The following GBA2 variants were observed in gnomAD, a reference collection of about 807,000 sequenced individuals.
The protein encoded by GBA2 is glucosylceramidase beta 2, also known as non-lysosomal glucosylceramidase.
Under a neutral mutation model 112.9 loss-of-function variants are expected in GBA2, and 79 were observed. The observed-to-expected ratio is 0.70, with a 90% CI of 0.58 to 0.84. The LOEUF (loss-of-function observed/expected upper bound fraction) is 0.84, where lower values mean the gene tolerates loss of function less well. Among genes scored for constraint, GBA2 ranks in the 40% least tolerant of loss-of-function variants. The pLI, the probability that GBA2 is intolerant of heterozygous loss-of-function variation, is 0.00. For synonymous variants in GBA2, 403 were observed against 434.3 expected, an observed-to-expected ratio of 0.93 and a Z score of 0.90; for missense variants, 1,043 against 1,190.0, an observed-to-expected ratio of 0.88 and a Z score of 1.82.
At chr9:35,738,725 A>G (rs564667362) in intron 12 of GBA2, 27 bp downstream of exon 12, 3 of 1,613,404 alleles carry the variant, frequency 1.9e-6, no homozygotes, top group Admixed American at 1.7e-5. Context: ...CCCCTGGCAC[A>G]CTGGCCACTG....
In GBA2 at chr9:35,741,325, CTTT is replaced by C. The variant is rs1042549418; in HGVS notation, c.787-264_787-262del. Reference sequence around the variant, plus strand: ...CTCCCTTTCACAGGCCATGCAGTTTCTTTTTTTTTTTTTTTGGGGGGTGCGGTG... The same window carrying C: ...CTCCCTTTCACAGGCCATGCAGTTTCTTTTTTTTTTTTGGGGGGTGCGGTG... On this transcript the variant is annotated intron_variant, in intron 4 of 16. Transcript: ENST00000378103. The surrounding 1 kb of genome is among the most constrained non-coding windows in gnomAD (Gnocchi z 4.6). 3.4e-3 allele frequency: 1,367 copies of C among 406,618 alleles called. No individual in the cohort carries two copies. The highest frequency in any genetic ancestry group is 4.7e-3 in the South Asian group (138 of 29,674). 25.2% of individuals were successfully genotyped at this position (406,618 alleles called of 1,614,324 possible).
rs539236531 is a variant in GBA2 at position 35,741,721 on chromosome 9, A to C, written c.737T>G (p.Val246Gly). The change falls in exon 4 of 17, where the codon GTC (valine) becomes GGC (glycine). Residue 246 changes from valine (V) to glycine (G), a missense_variant. Physicochemically the swap from Val to Gly is moderately radical, Grantham distance 109. Coordinates refer to ENST00000378103, the MANE Select transcript of GBA2 (RefSeq NM_020944.3). This position sits in a 1 kb window ranked among gnomAD's most constrained non-coding sequence, Gnocchi z 4.6. The part of the protein sequence containing the change: ...WTVYQLPGQN[V>G]TLTCRQITPI... ...TGTGATCTGACGGCAGGTGAGGGTG[A>C]CATTCTGGCCAGGAAGCTGATAGAC... 2 of 1,613,928 alleles carry C rather than the reference A, an allele frequency of 1.2e-6. No homozygotes were observed.
chr9:35,739,804 G>C lies in GBA2; in HGVS notation c.1410-4C>G, dbSNP rs777976914. On this transcript the variant is annotated splice_polypyrimidine_tract_variant and splice_region_variant and intron_variant, in intron 8 of 16. Transcript: ENST00000378103. ...TTTGTACCAGGCAGGCAGTGATCTGGGAAGCGAGGAGGAGGAAATGGTTTA... is the reference window on the plus strand; with the variant it reads ...TTTGTACCAGGCAGGCAGTGATCTGCGAAGCGAGGAGGAGGAAATGGTTTA... 3 of 1,613,460 alleles carry C rather than the reference G, an allele frequency of 1.9e-6. No individual in the cohort carries two copies. The highest frequency in any genetic ancestry group is 2.5e-6 in the Non-Finnish European group (3 of 1,179,560).
rs1349130992 is a variant in GBA2, at chr9:35,739,071, A to G, written c.1726T>C (p.Tyr576His). 9 of 1,613,058 alleles carry G rather than the reference A, an allele frequency of 5.6e-6. No homozygotes were observed. The highest frequency in any genetic ancestry group is 4.4e-5 in the South Asian group (4 of 90,962). ...GGTGCCATCACCCCACTCATCAGGTACCGTCGCCGTGTCAGGTCCTCCCTG... is the reference window on the plus strand; with the variant it reads ...GGTGCCATCACCCCACTCATCAGGTGCCGTCGCCGTGTCAGGTCCTCCCTG... ...TLREDLTRRR[Y>H]LMSGVMAPVK... Residue 576 changes from tyrosine to histidine, a missense_variant, in exon 11 of 17, where the codon TAC becomes CAC. Transcript: ENST00000378103.
intron 3 of GBA2, 47 bp downstream of exon 3, chr9:35,744,250 T>C (rs1197246829): frequency 2.9e-6 from 3 of 1,039,436 alleles, no homozygotes; most frequent in South Asian, 1.3e-5. Flanking sequence ...CCTTCCTTCT[T>C]GGCCTGGGGA....
At chr9:35,744,433 A>G (rs562896034) in intron 2 of GBA2, 21 bp from the exon 3 acceptor site, 1 of 1,399,776 alleles carries the variant, frequency 7.1e-7, no homozygotes, top group South Asian at 1.2e-5. Context: ...CAGGGTGGTT[A>G]GTGGGGTATT....
chr9:35,744,425 G>C lies in GBA2; in HGVS notation c.452-13C>G, dbSNP rs1212850363. ...CCCAAGGGACAACCTAGAGAAATCA[G>C]GGTGGTTAGTGGGGTATTGGGAGAG... On this transcript the variant is annotated splice_polypyrimidine_tract_variant and intron_variant, in intron 2 of 16. Transcript: ENST00000378103. 1 of 1,489,152 alleles carries C rather than the reference G, an allele frequency of 6.7e-7. No individual in the cohort carries two copies. Among genetic ancestry groups the C allele is most frequent in the Admixed American group, 1.7e-5 (1 of 59,868 alleles). 92.2% of individuals were successfully genotyped at this position (1,489,152 alleles called of 1,614,324 possible). A position where few individuals can be genotyped will look rare whatever the true frequency, so the allele number is the denominator to read the frequency against.
Position 35,737,716 on chromosome 9 carries a change from ATGG to A in GBA2, c.2505+29_2505+31del. ...GGAAGTTTTCTGGGCCAGGATACAG[ATGG>A]TGGAGAGATGGGAAAAGGAGTGCAT... On this transcript the variant is annotated intron_variant, in intron 16 of 16. Coordinates refer to ENST00000378103, the MANE Select transcript of GBA2 (RefSeq NM_020944.3). The surrounding 1 kb of genome is among the most constrained non-coding windows in gnomAD (Gnocchi z 4.1). 1 of 1,611,698 alleles carries A rather than the reference ATGG, an allele frequency of 6.2e-7. No homozygotes were observed. Among genetic ancestry groups the A allele is most frequent in the South Asian group, 1.1e-5 (1 of 91,034 alleles).
intron 1 of GBA2, among the ~76,000 whole-genome samples, chr9:35,745,152 G>C (rs142317433): frequency 1.1e-3 from 162 of 151,514 alleles, no homozygotes; most frequent in African/African-American, 3.2e-3. Context: ...ACAGAGTTTC[G>C]TTCCTTGTTG....
chr9:35,737,932 G>A lies in GBA2; in HGVS notation c.2321C>T (p.Pro774Leu). Residue 774 changes from proline to leucine, a missense_variant, in exon 16 of 17, where the codon CCT (proline) becomes CTT (leucine). By Grantham distance (98) the Pro-to-Leu change is moderately conservative. Coordinates refer to ENST00000378103, the MANE Select transcript of GBA2 (RefSeq NM_020944.3). The surrounding 1 kb of genome is among the most constrained non-coding windows in gnomAD (Gnocchi z 4.1). Reference sequence around the variant, plus strand: ...GAGAGCACGGACCACATGTTGGGTAGGAAACACCTGGAGGGGCAAGGGCAG... The same window carrying A: ...GAGAGCACGGACCACATGTTGGGTAAGAAACACCTGGAGGGGCAAGGGCAG... ...GLGEGDTEVFPTQHVVRALQT... is the reference protein window; with the variant it reads ...GLGEGDTEVFLTQHVVRALQT... 1 of 1,610,232 alleles carries A rather than the reference G, an allele frequency of 6.2e-7. No individual in the cohort carries two copies. Among genetic ancestry groups the A allele is most frequent in the Non-Finnish European group, 8.5e-7 (1 of 1,178,578 alleles).
chr9:35,741,629 G>A lies in GBA2; in HGVS notation c.786+43C>T, dbSNP rs929446167. ...GCAGTTTCTAGCAGAGGCAGGTCCT[G>A]GGGAAGGGAGGGCAATGGAAGATAC... On this transcript the variant is annotated intron_variant, in intron 4 of 16. Coordinates refer to ENST00000378103, the MANE Select transcript of GBA2 (RefSeq NM_020944.3). This position sits in a 1 kb window ranked among gnomAD's most constrained non-coding sequence, Gnocchi z 4.6. 1 of 1,297,106 alleles carries A rather than the reference G, an allele frequency of 7.7e-7. No homozygotes were observed. The highest frequency in any genetic ancestry group is 1.7e-5 in the Admixed American group (1 of 59,602). The allele number at this position is 1,297,106 out of a possible 1,614,324, so 80.3% of individuals were successfully genotyped here. A position where few individuals can be genotyped will look rare whatever the true frequency, so the allele number is the denominator to read the frequency against.
In GBA2 at chr9:35,741,338, TTTG is replaced by T; in HGVS notation, c.787-277_787-275del. ...GCCATGCAGTTTCTTTTTTTTTTTT[TTTG>T]GGGGGTGCGGTGGCGCAATCTCGGC... On this transcript the variant is annotated intron_variant, in intron 4 of 16. Coordinates refer to ENST00000378103, the MANE Select transcript of GBA2 (RefSeq NM_020944.3). The surrounding 1 kb of genome is among the most constrained non-coding windows in gnomAD (Gnocchi z 4.6). 2 of 513,750 alleles carry T rather than the reference TTTG, an allele frequency of 3.9e-6. No homozygotes were observed. Among genetic ancestry groups the T allele is most frequent in the Non-Finnish European group, 6.9e-6 (2 of 291,050 alleles). The allele number at this position is 513,750 out of a possible 1,614,324, so 31.8% of individuals were successfully genotyped here. A position where few individuals can be genotyped will look rare whatever the true frequency, so the allele number is the denominator to read the frequency against.
chr9:35,748,552 G>A lies in GBA2; in HGVS notation c.153C>T (p.Ser51=). The change falls in exon 1 of 17, where the codon AGC becomes AGT. Residue 51 remains serine (S), a synonymous_variant. Coordinates refer to ENST00000378103, the MANE Select transcript of GBA2 (RefSeq NM_020944.3). ...AGCAGTCCGTCTCTTTTGGGGGTCG[G>A]CTGTCTTCGGGACTCTTACAGTCTG... ...QVTDCKSPED[S]RPPKETDCCN... The A allele has an allele frequency of 6.2e-7, 1 of 1,614,130 alleles. No homozygotes were observed. Among genetic ancestry groups the A allele is most frequent in the South Asian group, 1.1e-5 (1 of 91,084 alleles).
intron 3 of GBA2, chr9:35,742,109 T>G (rs1826726896): frequency 5.1e-6 from 3 of 591,456 alleles, no homozygotes; most frequent in South Asian, 2.0e-5. Context: ...TACGGTGGTG[T>G]TAGCACCTCA....
In GBA2 at chr9:35,739,401, T is replaced by C. The variant is rs1414915442; in HGVS notation, c.1601A>G (p.Tyr534Cys). Residue 534 changes from tyrosine to cysteine, a missense_variant, in exon 10 of 17, where the codon TAC becomes TGC. Coordinates refer to ENST00000378103, the MANE Select transcript of GBA2 (RefSeq NM_020944.3). ...GYLEGQEYRM[Y>C]NTYDVHFYAS... ...ATAAAAGTGGACATCATATGTGTTG[T>C]ACATGCGGTACTCCTGGCCTGGAGG... 6.2e-7 allele frequency: 1 copy of C among 1,611,386 alleles called. No homozygotes were observed. Among genetic ancestry groups the C allele is most frequent in the Non-Finnish European group, 8.5e-7 (1 of 1,177,626 alleles).
At position 35,738,773 on chromosome 9, in the gene GBA2, CT is replaced by C; in HGVS notation, c.1925del (p.Lys642ArgfsTer8). ...YYLTGDQNFL[K>X]DMWPVCLAVM... ...TTACTAGACACACAGGCCACATGTC[CT>C]TCAGGAAGTTTTGATCACCCGTGAG... On this transcript the variant is annotated frameshift_variant, in exon 12 of 17. Coordinates refer to ENST00000378103, the MANE Select transcript of GBA2 (RefSeq NM_020944.3). LOFTEE classifies it high-confidence loss of function. The C allele has an allele frequency of 6.2e-7, 1 of 1,614,202 alleles. No homozygotes were observed. Among genetic ancestry groups the C allele is most frequent in the Non-Finnish European group, 8.5e-7 (1 of 1,180,012 alleles).
At position 35,748,964 on chromosome 9, in the gene GBA2, C is replaced by G; in HGVS notation, c.-260G>C. On this transcript the variant is annotated 5_prime_UTR_variant, in exon 1 of 17. Coordinates refer to ENST00000378103, the MANE Select transcript of GBA2 (RefSeq NM_020944.3). Reference sequence around the variant, plus strand: ...GGGTCGGGCCTCGTCGTCATTGAGCCGACGATTAGCTCGCCCGGCCAAAGG... The same window carrying G: ...GGGTCGGGCCTCGTCGTCATTGAGCGGACGATTAGCTCGCCCGGCCAAAGG... The G allele has an allele frequency of 2.9e-6, 1 of 347,198 alleles. No individual in the cohort carries two copies. The highest frequency in any genetic ancestry group is 5.1e-6 in the Non-Finnish European group (1 of 194,460). 21.5% of individuals were successfully genotyped at this position (347,198 alleles called of 1,614,324 possible).
chr9:35,748,346 C>T lies in GBA2; in HGVS notation c.359G>A (p.Arg120Lys). Reference sequence around the variant, plus strand: ...ATTCTAGGCAATGGGGTCTACTCACCTCAAGCCCATGCCTATATGCTTTAT... The same window carrying T: ...ATTCTAGGCAATGGGGTCTACTCACTTCAAGCCCATGCCTATATGCTTTAT... ...NMIKHIGMGL[R>K]YLQWWYRKTH... Residue 120 changes from arginine (R) to lysine (K), a missense_variant and splice_region_variant, in exon 1 of 17, where the codon AGG becomes AAG. Transcript: ENST00000378103. 1 of 1,588,078 alleles carries T rather than the reference C, an allele frequency of 6.3e-7. No homozygotes were observed. The highest frequency in any genetic ancestry group is 8.6e-7 in the Non-Finnish European group (1 of 1,158,520).
chr9:35,739,271 A>G, intron 10 of GBA2, 44 bp downstream of exon 10: 1 of 1,306,622 alleles, frequency 7.7e-7, no homozygotes, highest in Non-Finnish European at 1.1e-6. Context: ...GTTCGGGGGT[A>G]TGGGGAGCCA....
Sources: allele counts gnomAD v4.1 joint callset (sites outside exome capture counted in the v4.1 genomes callset), GRCh38; gene constraint gnomAD v4.1.1; non-coding constraint Gnocchi (gnomAD v3.1); transcripts MANE v1.5; gene names NCBI Gene and HGNC (gene_info 2026-07-23, HGNC 2026-07-21).